ATF7: variants seen among roughly 807,000 people sequenced by gnomAD.
ATF7 encodes activating transcription factor 7, also known as cyclic AMP-dependent transcription factor ATF-7.
Under a neutral mutation model 50.4 loss-of-function variants are expected in ATF7, and 10 were observed. The observed-to-expected ratio is 0.20, with a 90% CI of 0.12 to 0.34. The LOEUF is 0.34. Ranked by LOEUF, ATF7 falls within the 10% of genes least tolerant of loss-of-function variation. ATF7 has a pLI of 1.00. For missense variants in ATF7, 465 were observed against 613.9 expected (o/e 0.76, Z 2.56); for synonymous variants, 201 against 226.4 (o/e 0.89, Z 1.01).
intron 2 of ATF7, among the ~76,000 whole-genome samples, chr12:53,560,686 C>T (rs1470198477): frequency 1.3e-5 from 2 of 152,160 alleles, no homozygotes; most frequent in Admixed American, 6.6e-5. Context: ...ATTCATGTCC[C>T]TTTCCTTGTT....
chr12:53,531,723 TA>T lies in ATF7; in HGVS notation c.927+20del. 1 of 1,600,918 alleles carries T rather than the reference TA, an allele frequency of 6.2e-7. No homozygotes were observed. The highest frequency in any genetic ancestry group is 8.5e-7 in the Non-Finnish European group (1 of 1,173,866). ...AAAGATACGTCATAAAGATATGACA[TA>T]AAGAGTAAGAGCCACTGACCTGTGG... On this transcript the variant is annotated intron_variant, in intron 9 of 11. Coordinates refer to ENST00000420353, the MANE Select transcript of ATF7 (RefSeq NM_006856.3).
intron 1 of ATF7, among the ~76,000 whole-genome samples, chr12:53,609,928 T>G (rs1943785745): frequency 6.8e-6 from 1 of 147,782 alleles, no homozygotes; most frequent in South Asian, 2.2e-4. Context: ...CAGATTCTCA[T>G]GCCTCAGCCT....
At chr12:53,552,892 T>C (rs552883943) in intron 2 of ATF7, among the ~76,000 whole-genome samples, 1 of 152,020 alleles carries the variant, frequency 6.6e-6, no homozygotes, top group African/African-American at 2.4e-5. Context: ...GTGGACAGAT[T>C]GTTGGTAAAG....
chr12:53,586,379 A>T (rs1942680242), intron 2 of ATF7, among the ~76,000 whole-genome samples: 2 of 150,822 alleles, frequency 1.3e-5, no homozygotes, highest in African/African-American at 2.4e-5. Context: ...AATGTAATTT[A>T]AAAAATTAAT....
At position 53,536,089 on chromosome 12, in the gene ATF7, A is replaced by G. The variant is rs117162667; in HGVS notation, c.402+1326T>C. Among the ~76,000 whole-genome samples the G allele has an allele frequency of 4.8e-3, 737 of 152,252 alleles. 5 individuals are homozygous for G. The highest frequency in any genetic ancestry group is 8.1e-3 in the Non-Finnish European group (552 of 68,006). ...ATACAGACCATTTCCAGCACCCCAG[A>G]AAGTTCTATGTCCCTTTCCAATCCA... On this transcript the variant is annotated intron_variant, in intron 5 of 11. Transcript: ENST00000420353.
chr12:53,601,669 T>C (rs1403143636), intron 1 of ATF7, among the ~76,000 whole-genome samples: 2 of 152,178 alleles, frequency 1.3e-5, no homozygotes, highest in Non-Finnish European at 2.9e-5. Flanking sequence ...CCCTTCCCCC[T>C]TCTGATTCTA....
intron 2 of ATF7, among the ~76,000 whole-genome samples, chr12:53,571,666 A>G (rs1315967068): frequency 6.6e-6 from 1 of 151,468 alleles, no homozygotes; most frequent in Non-Finnish European, 1.5e-5. Context: ...GAGCAGGGAG[A>G]CAAATCCGCA....
chr12:53,587,258 T>C (rs1289211035), intron 2 of ATF7, among the ~76,000 whole-genome samples: 6 of 149,940 alleles, frequency 4.0e-5, no homozygotes, highest in African/African-American at 2.5e-5. Flanking sequence ...TCCCAGCTAC[T>C]TGGGAGGCTG....
chr12:53,545,825 C>A (rs1474261240), intron 3 of ATF7, among the ~76,000 whole-genome samples: 1 of 152,056 alleles, frequency 6.6e-6, no homozygotes, highest in East Asian at 1.9e-4. Flanking sequence ...AAGGCCAAGG[C>A]AGGCGGATCC....
chr12:53,517,118 C>G lies in ATF7; in HGVS notation c.*19G>C. On this transcript the variant is annotated 3_prime_UTR_variant, in exon 12 of 12. Coordinates refer to ENST00000420353, the MANE Select transcript of ATF7 (RefSeq NM_006856.3). ...GGGCGGGCGAGCTCTGGCTGAGGAC[C>G]TCTCCACCAGAGGAGGCATCATCTG... The G allele has an allele frequency of 1.2e-6, 2 of 1,606,332 alleles. No individual in the cohort carries two copies. The highest frequency in any genetic ancestry group is 2.7e-5 in the African/African-American group (2 of 75,048).
intron 1 of ATF7, among the ~76,000 whole-genome samples, chr12:53,617,379 G>A (rs1168622140): frequency 2.0e-5 from 3 of 152,188 alleles, no homozygotes; most frequent in East Asian, 3.9e-4. Context: ...TGTAATCCCA[G>A]CACTTGGGGA....
intron 2 of ATF7, among the ~76,000 whole-genome samples, chr12:53,561,805 C>A (rs1401549822): frequency 1.3e-5 from 2 of 152,180 alleles, no homozygotes; most frequent in Non-Finnish European, 2.9e-5. Flanking sequence ...TTAAATGAAT[C>A]ATTTCAAAGT....
At chr12:53,557,403 T>C (rs998548905) in intron 2 of ATF7, among the ~76,000 whole-genome samples, 4 of 152,204 alleles carry the variant, frequency 2.6e-5, no homozygotes, top group Non-Finnish European at 2.9e-5. Context: ...GGTTTCACCA[T>C]GTTGCCCAGG....
At chr12:53,543,668 C>G (rs6580952) in intron 3 of ATF7, among the ~76,000 whole-genome samples, 2 of 151,826 alleles carry the variant, frequency 1.3e-5, no homozygotes, top group African/African-American at 2.4e-5. Context: ...GGGGGAAGAC[C>G]GAACAGTATT....
At chr12:53,545,896 A>C (rs1290244725) in intron 3 of ATF7, among the ~76,000 whole-genome samples, 1 of 151,974 alleles carries the variant, frequency 6.6e-6, no homozygotes. Flanking sequence ...CATCTCTTCA[A>C]AAAATACAAA....
chr12:53,515,816 G>A lies in ATF7; in HGVS notation c.*1321C>T, dbSNP rs913666567. Reference sequence around the variant, plus strand: ...GCTTCAAGATCCTGGAGCACTGCATGTAAAGAGAAGAGAGAAGAAATGGGT... The same window carrying A: ...GCTTCAAGATCCTGGAGCACTGCATATAAAGAGAAGAGAGAAGAAATGGGT... On this transcript the variant is annotated 3_prime_UTR_variant, in exon 12 of 12. Coordinates refer to ENST00000420353, the MANE Select transcript of ATF7 (RefSeq NM_006856.3). 1 of 152,288 alleles carries A rather than the reference G, an allele frequency of 6.6e-6. No homozygotes were observed. Among genetic ancestry groups the A allele is most frequent in the Non-Finnish European group, 1.5e-5 (1 of 68,096 alleles). The allele number at this position is 152,288 out of a possible 1,614,324, so 9.4% of individuals were successfully genotyped here.
chr12:53,603,919 C>CA (rs1943501645), intron 1 of ATF7, among the ~76,000 whole-genome samples: 1 of 152,094 alleles, frequency 6.6e-6, no homozygotes, highest in South Asian at 2.1e-4. Flanking sequence ...GTAGTGTAAA[C>CA]AGACTGAGAC....
At chr12:53,587,843 A>ATATATATATATATATATATAT in intron 2 of ATF7, among the ~76,000 whole-genome samples, 85 of 61,530 alleles carry the variant, frequency 1.4e-3, no homozygotes, top group Admixed American at 2.1e-3. Flanking sequence ...ATATATATAT[A>ATATATATATATATATATATAT]TTTTTTTTTT....
At chr12:53,607,830 CAA>C (rs968200836) in intron 1 of ATF7, among the ~76,000 whole-genome samples, 1 of 152,044 alleles carries the variant, frequency 6.6e-6, no homozygotes, top group African/African-American at 2.4e-5. Context: ...TAGTATTTTT[CAA>C]AGTCTCTACA....
Sources: allele counts gnomAD v4.1 joint callset (sites outside exome capture counted in the v4.1 genomes callset), GRCh38; gene constraint gnomAD v4.1.1; transcripts MANE v1.5; gene names NCBI Gene and HGNC (gene_info 2026-07-23, HGNC 2026-07-21).